The following LIPK variants were observed in gnomAD, a reference collection of about 807,000 sequenced individuals.
LIPK encodes the protein lipase family member K, also known as lipase member K.
Under a neutral mutation model 48.6 loss-of-function variants are expected in LIPK, and 32 were observed. The observed-to-expected ratio is 0.66, with a 90% confidence interval of 0.50 to 0.88. The LOEUF (loss-of-function observed/expected upper bound fraction) is 0.88. Ranked by LOEUF, LIPK falls within the 40% of genes least tolerant of loss-of-function variation. LIPK has a pLI of 0.00. For missense variants in LIPK, 507 were observed against 478.5 expected, an observed-to-expected ratio of 1.06 and a Z score of -0.56; for synonymous variants, 164 against 157.4, an observed-to-expected ratio of 1.04 and a Z score of -0.32.
At chr10:88,745,129 A>T (rs1482781630) in intron 9 of LIPK, among the ~76,000 whole-genome samples, 2 of 152,204 alleles carry the variant, frequency 1.3e-5, no homozygotes, top group African/African-American at 4.8e-5. Context: ...ATATAGGATT[A>T]TGTAAAGACA....
chr10:88,740,423 A>G (rs1197602297), intron 8 of LIPK, among the ~76,000 whole-genome samples: 1 of 152,220 alleles, frequency 6.6e-6, no homozygotes, highest in Non-Finnish European at 1.5e-5. Context: ...TCATCCTCCA[A>G]TCAATATATG....
At chr10:88,712,839 A>C (rs1019875510) in intron 1 of LIPK, among the ~76,000 whole-genome samples, 1 of 152,218 alleles carries the variant, frequency 6.6e-6, no homozygotes, top group Non-Finnish European at 1.5e-5. Context: ...GAAATAGTGC[A>C]TTGCAATAGT....
Position 88,731,023 on chromosome 10 carries a change from A to G in LIPK, c.264A>G (p.Ala88=), listed in dbSNP as rs1437361644. The G allele has an allele frequency of 6.3e-7, 1 of 1,595,924 alleles. No homozygotes were observed. Among genetic ancestry groups the G allele is most frequent in the Non-Finnish European group, 8.5e-7 (1 of 1,170,432 alleles). ...PAVYLQHGLI[A]SASNWICNLP... ...TGTATTTGCAGCATGGCTTAATTGC[A>G]TCTGCCAGTAACTGGATTTGCAACC... The change falls in exon 4 of 10, where the codon GCA becomes GCG. Residue 88 remains alanine (A), a synonymous_variant. Coordinates refer to ENST00000404190, the MANE Select transcript of LIPK (RefSeq NM_001080518.2).
At chr10:88,712,475 T>A (rs1842043783) in intron 1 of LIPK, among the ~76,000 whole-genome samples, 1 of 152,216 alleles carries the variant, frequency 6.6e-6, no homozygotes, top group South Asian at 2.1e-4. Flanking sequence ...ACCTAACATT[T>A]ACCTGTTAAT....
intron 1 of LIPK, among the ~76,000 whole-genome samples, chr10:88,723,505 T>C (rs1484036019): frequency 1.3e-5 from 2 of 152,156 alleles, no homozygotes; most frequent in African/African-American, 4.8e-5. Context: ...GAAGCCCTCT[T>C]GAAAAATGTT....
At chr10:88,745,250 G>T (rs1026512992) in intron 9 of LIPK, among the ~76,000 whole-genome samples, 1 of 152,010 alleles carries the variant, frequency 6.6e-6, no homozygotes, top group African/African-American at 2.4e-5. Context: ...TCACTAGAGC[G>T]GTCAACATTT....
chr10:88,740,088 C>A (rs1281675052), intron 8 of LIPK, 21 bp downstream of exon 8: 4 of 1,587,660 alleles, frequency 2.5e-6, no homozygotes, highest in Middle Eastern at 3.3e-4. Flanking sequence ...CTTATTCCTG[C>A]TTGATGCACA....
intron 9 of LIPK, among the ~76,000 whole-genome samples, chr10:88,746,884 A>G (rs755647474): frequency 1.3e-5 from 2 of 152,176 alleles, no homozygotes; most frequent in African/African-American, 2.4e-5. Flanking sequence ...ACTAATAAAT[A>G]ATAAAGAGAG....
chr10:88,719,199 T>A (rs893429199), intron 1 of LIPK, among the ~76,000 whole-genome samples: 1 of 152,180 alleles, frequency 6.6e-6, no homozygotes, highest in Non-Finnish European at 1.5e-5. Flanking sequence ...TAGACATTAT[T>A]TATCATCTTA....
chr10:88,741,479 G>C (rs1842678970), intron 8 of LIPK, among the ~76,000 whole-genome samples: 1 of 152,198 alleles, frequency 6.6e-6, no homozygotes, highest in African/African-American at 2.4e-5. Flanking sequence ...TCCCACCTCA[G>C]CCTACCAGAG....
At chr10:88,715,995 G>A (rs1020763174) in intron 1 of LIPK, among the ~76,000 whole-genome samples, 1 of 152,006 alleles carries the variant, frequency 6.6e-6, no homozygotes, top group African/African-American at 2.4e-5. Flanking sequence ...TCTTGTATGA[G>A]TTACACCACC....
intron 1 of LIPK, among the ~76,000 whole-genome samples, chr10:88,708,832 G>T (rs758042865): frequency 1.3e-5 from 2 of 151,758 alleles, no homozygotes; most frequent in Non-Finnish European, 2.9e-5. Context: ...TAACATATTT[G>T]TGTTATTATT....
chr10:88,734,389 C>G (rs1343087321), intron 6 of LIPK, among the ~76,000 whole-genome samples: 1 of 152,128 alleles, frequency 6.6e-6, no homozygotes, highest in Non-Finnish European at 1.5e-5. Flanking sequence ...ACACATAACT[C>G]ACTTTACTGG....
chr10:88,726,996 C>G, intron 3 of LIPK, 84 bp downstream of exon 3: 1 of 795,992 alleles, frequency 1.3e-6, no homozygotes, highest in South Asian at 1.5e-5. Context: ...AGTTTTTGTT[C>G]TGAAATTCTT....
intron 9 of LIPK, among the ~76,000 whole-genome samples, chr10:88,744,937 A>C (rs898199440): frequency 2.0e-5 from 3 of 152,220 alleles, no homozygotes; most frequent in Admixed American, 1.3e-4. Context: ...AAATAACCAA[A>C]TTGATCTGAT....
chr10:88,718,614 T>A (rs915391310), intron 1 of LIPK, among the ~76,000 whole-genome samples: 1 of 152,050 alleles, frequency 6.6e-6, no homozygotes, highest in Non-Finnish European at 1.5e-5. Context: ...ACAAAATTGT[T>A]CCTCTCTTGT....
chr10:88,714,629 T>A (rs1191699922), intron 1 of LIPK, among the ~76,000 whole-genome samples: 4 of 152,200 alleles, frequency 2.6e-5, no homozygotes, highest in Admixed American at 2.6e-4. Flanking sequence ...GTTGTGTTTT[T>A]CAAGGAATTT....
At chr10:88,732,627 T>G (rs1257666325) in intron 6 of LIPK, 76 bp downstream of exon 6, 47 of 1,428,462 alleles carry the variant, frequency 3.3e-5, no homozygotes, top group Non-Finnish European at 1.1e-5. Context: ...AGAAGACCAA[T>G]GACATTTTAC....
chr10:88,724,379 ATG>A (rs1400263576), intron 1 of LIPK, among the ~76,000 whole-genome samples, 152 bp from the exon 2 acceptor site: 2 of 152,142 alleles, frequency 1.3e-5, no homozygotes, highest in Non-Finnish European at 1.5e-5. Context: ...TTTTCATGGA[ATG>A]AATGTTGTAT....
Sources: allele counts gnomAD v4.1 joint callset (sites outside exome capture counted in the v4.1 genomes callset), GRCh38; gene constraint gnomAD v4.1.1; transcripts MANE v1.5; gene names NCBI Gene and HGNC (gene_info 2026-07-23, HGNC 2026-07-21).